LRP1B: variants seen among roughly 807,000 people sequenced by gnomAD.
LRP1B encodes low-density lipoprotein receptor-related protein 1B.
Under a neutral mutation model 556.6 loss-of-function variants are expected in LRP1B, and 217 were observed. That is an observed-to-expected ratio of 0.39 (90% confidence interval 0.35 to 0.44). The LOEUF (loss-of-function observed/expected upper bound fraction) is 0.44, where lower values mean the gene tolerates loss of function less well. LRP1B is among the 20% of genes least tolerant of loss of function. The probability of loss-of-function intolerance (pLI) is 1.00; values close to 1 mark genes in which losing one functional copy is unlikely to be tolerated. For missense variants in LRP1B, 5,053 were observed against 5,620.8 expected, an observed-to-expected ratio of 0.90 and a Z score of 3.23; for synonymous variants, 2,047 against 1,865.8, an observed-to-expected ratio of 1.10 and a Z score of -2.50.
chr2:140,743,693 C>T (rs1189348583), intron 35 of LRP1B, among the ~76,000 whole-genome samples: 1 of 152,010 alleles, frequency 6.6e-6, no homozygotes, highest in Non-Finnish European at 1.5e-5. Flanking sequence ...GGAGCGGTGG[C>T]TCATGCCTGT....
chr2:141,458,005 C>T (rs1251363514), intron 3 of LRP1B, among the ~76,000 whole-genome samples: 1 of 152,098 alleles, frequency 6.6e-6, no homozygotes, highest in African/African-American at 2.4e-5. Flanking sequence ...GAGTAATAAG[C>T]TTTCATTGTA....
chr2:141,488,969 T>TTC (rs1220672838), intron 2 of LRP1B, among the ~76,000 whole-genome samples: 1 of 48,994 alleles, frequency 2.0e-5, no homozygotes, highest in Non-Finnish European at 7.9e-5. Flanking sequence ...GGGTTTGTTT[T>TTC]TTTTTGTTTG....
At chr2:142,054,285 G>T (rs752368233) in intron 1 of LRP1B, among the ~76,000 whole-genome samples, 22 of 152,122 alleles carry the variant, frequency 1.4e-4, no homozygotes, top group Non-Finnish European at 2.8e-4. Context: ...AGTGGGTATT[G>T]CTTAGAGTGG....
chr2:141,731,394 C>T (rs1251032460), intron 2 of LRP1B, among the ~76,000 whole-genome samples: 16 of 152,050 alleles, frequency 1.1e-4, no homozygotes, highest in Non-Finnish European at 2.1e-4. Flanking sequence ...CTATGTCCTC[C>T]GTGGCTCTCC....
chr2:140,557,840 T>C (rs1315571575), intron 43 of LRP1B, among the ~76,000 whole-genome samples: 2 of 152,268 alleles, frequency 1.3e-5, no homozygotes, highest in East Asian at 1.9e-4. Flanking sequence ...CCACACTCAA[T>C]GCCCTTATTC....
At chr2:141,122,405 G>GAA (rs56871197) in intron 7 of LRP1B, among the ~76,000 whole-genome samples, 7 of 144,674 alleles carry the variant, frequency 4.8e-5, no homozygotes, top group African/African-American at 1.8e-4. Flanking sequence ...AAACTTACAA[G>GAA]AAAAAAAAAA....
Position 140,937,335 on chromosome 2 carries a change from A to G in LRP1B, c.3136+12900T>C, listed in dbSNP as rs184709852. ...TGGTGACATTGTGCTGAGTAAAATA[A>G]ATCAGTTACAAACAAAAACAAATAC... On this transcript the variant is annotated intron_variant, in intron 20 of 90. Transcript: ENST00000389484. Among the ~76,000 whole-genome samples the G allele has an allele frequency of 1.1e-3, 163 of 152,236 alleles. 1 individual carries two copies. Among genetic ancestry groups the G allele is most frequent in the African/African-American group, 3.6e-3 (151 of 41,572 alleles).
intron 68 of LRP1B, among the ~76,000 whole-genome samples, chr2:140,374,487 A>G (rs1683133892): frequency 6.6e-6 from 1 of 152,166 alleles, no homozygotes; most frequent in Admixed American, 6.6e-5. Context: ...ATGTGTAAGG[A>G]TAATCGGAAA....
chr2:141,216,433 A>G (rs1251316916), intron 6 of LRP1B, among the ~76,000 whole-genome samples: 1 of 152,224 alleles, frequency 6.6e-6, no homozygotes, highest in African/African-American at 2.4e-5. Flanking sequence ...AGAGAACTTC[A>G]ACTAGGTAAG....
chr2:140,628,649 G>A (rs1683765904), intron 41 of LRP1B, among the ~76,000 whole-genome samples: 1 of 152,110 alleles, frequency 6.6e-6, no homozygotes, highest in African/African-American at 2.4e-5. Flanking sequence ...TGGAGAACTG[G>A]TGGTACTCTC....
At chr2:140,631,330 G>T (rs561348) in intron 41 of LRP1B, among the ~76,000 whole-genome samples, 12,619 of 152,034 alleles carry the variant, frequency 0.083, 686 homozygotes, top group East Asian at 0.18. Context: ...ATCAGAACTG[G>T]GCTACAAAAT....
intron 3 of LRP1B, among the ~76,000 whole-genome samples, chr2:141,477,983 CAT>C (rs1173742565): frequency 2.7e-5 from 4 of 150,592 alleles, no homozygotes; most frequent in African/African-American, 7.3e-5. Context: ...AAAGTTGTCA[CAT>C]GTGATAAAAG....
At chr2:140,336,988 T>A (rs1681135876) in intron 77 of LRP1B, among the ~76,000 whole-genome samples, 1 of 151,864 alleles carries the variant, frequency 6.6e-6, no homozygotes, top group African/African-American at 2.4e-5. Context: ...CTTTAAGACC[T>A]GAGAAGCAGT....
intron 41 of LRP1B, among the ~76,000 whole-genome samples, chr2:140,650,303 T>G (rs1684630836): frequency 7.0e-6 from 1 of 142,382 alleles, no homozygotes; most frequent in African/African-American, 2.5e-5. Flanking sequence ...ATCACTTTAT[T>G]TTTATTTTTA....
chr2:141,463,245 T>G (rs1681983361), intron 3 of LRP1B, among the ~76,000 whole-genome samples: 1 of 152,104 alleles, frequency 6.6e-6, no homozygotes, highest in Non-Finnish European at 1.5e-5. Context: ...TAATTGCCTC[T>G]TCAAAAGAAT....
In LRP1B at chr2:140,274,437, C is replaced by T. The variant is rs150457308; in HGVS notation, c.13129G>A (p.Asp4377Asn). 1.1e-5 allele frequency: 17 copies of T among 1,612,062 alleles called. No homozygotes were observed. The highest frequency in any genetic ancestry group is 1.7e-6 in the Non-Finnish European group (2 of 1,178,820). The change falls in exon 85 of 91, where the codon GAT (aspartate) becomes AAT (asparagine). Residue 4377 changes from aspartate to asparagine, a missense_variant. Coordinates refer to ENST00000389484, the MANE Select transcript of LRP1B (RefSeq NM_018557.3). ...GHCIINKDSE[D>N]IFCNCTNGKI... ...GTGTCCACTTACTTGCAAAATATAT[C>T]TTCACTGTCTTTATTTATAATGCAG...
chr2:141,861,405 A>T (rs78540817), intron 1 of LRP1B, among the ~76,000 whole-genome samples: 1,783 of 152,290 alleles, frequency 0.012, 44 homozygotes, highest in African/African-American at 0.041. Context: ...TGTTCCAACC[A>T]TTCCAGCAGT....
intron 6 of LRP1B, among the ~76,000 whole-genome samples, chr2:141,213,712 G>A (rs1682663452): frequency 6.6e-6 from 1 of 152,176 alleles, no homozygotes; most frequent in Admixed American, 6.5e-5. Context: ...ACATGCTTCT[G>A]TATATTTTAA....
intron 1 of LRP1B, among the ~76,000 whole-genome samples, chr2:141,882,339 A>G (rs1698983335): frequency 6.6e-6 from 1 of 152,104 alleles, no homozygotes; most frequent in African/African-American, 2.4e-5. Context: ...GAATAAAATC[A>G]TAAAAAATTT....
Sources: allele counts gnomAD v4.1 joint callset (sites outside exome capture counted in the v4.1 genomes callset), GRCh38; gene constraint gnomAD v4.1.1; transcripts MANE v1.5; gene names NCBI Gene and HGNC (gene_info 2026-07-23, HGNC 2026-07-21).